Variants in ASL observed in about 807,000 individuals in gnomAD.
The protein encoded by ASL is argininosuccinate lyase.
In ASL, 51 loss-of-function variants were observed where a neutral mutation model predicts 69.1. That is an observed-to-expected ratio of 0.74 (90% CI 0.59 to 0.93). The LOEUF is 0.93. ASL is among the 40% of genes least tolerant of loss of function. The probability of loss-of-function intolerance (pLI) is 0.00; values close to 1 mark genes in which losing one functional copy is unlikely to be tolerated. For missense variants in ASL, 540 were observed against 623.9 expected (o/e 0.87, Z 1.43); for synonymous variants, 241 against 247.6 (o/e 0.97, Z 0.25).
Position 66,089,571 on chromosome 7 carries a change from G to C in ASL, c.979-41G>C, listed in dbSNP as rs370109609. The C allele has an allele frequency of 3.7e-6, 6 of 1,607,190 alleles. No individual in the cohort carries two copies. In the East Asian group the frequency reaches 1.1e-4, roughly 30 times the overall value. On this transcript the variant is annotated intron_variant, in intron 13 of 16. Transcript: ENST00000304874. ...GGGGCTGTGGGGACCCTGGGTGCCA[G>C]GGGGCTGCTAGGCCCTCACCTCCTG...
rs2115731431 is a variant in ASL at position 66,087,507 on chromosome 7, C to T, written c.655+121C>T. The T allele has an allele frequency of 8.5e-6, 11 of 1,292,456 alleles. No homozygotes were observed. In the East Asian group the frequency reaches 2.5e-4, roughly 29 times the overall value. The allele number at this position is 1,292,456 out of a possible 1,614,324, so 80.1% of individuals were successfully genotyped here. On this transcript the variant is annotated intron_variant, in intron 9 of 16. Transcript: ENST00000304874. ...CTCCTGGTGAAACCTTCATTCATTGCCTATGGGCACTGAGGTCATCAAGTT... is the reference window on the plus strand; with the variant it reads ...CTCCTGGTGAAACCTTCATTCATTGTCTATGGGCACTGAGGTCATCAAGTT...
chr7:66,092,067 ATT>A lies in ASL; in HGVS notation c.1125_1126del (p.Tyr375Ter). 6.2e-7 allele frequency: 1 copy of A among 1,612,818 alleles called. No individual in the cohort carries two copies. Among genetic ancestry groups the A allele is most frequent in the Non-Finnish European group, 8.5e-7 (1 of 1,179,978 alleles). On this transcript the variant is annotated stop_gained and frameshift_variant, in exon 15 of 17. Transcript: ENST00000304874. LOFTEE classifies it high-confidence loss of function. ...GACATGCTGGCCACTGACCTTGCCTATTACCTGGTCCGCAAAGGGGTAAGTGT... is the reference window on the plus strand; with the variant it reads ...GACATGCTGGCCACTGACCTTGCCTAACCTGGTCCGCAAAGGGGTAAGTGT...
chr7:66,087,246 G>A (rs1316557092), intron 8 of ASL, 88 bp from the exon 9 acceptor site: 44 of 207,124 alleles, frequency 2.1e-4, no homozygotes, highest in Admixed American at 3.8e-4. Context: ...GTGCGTTCGT[G>A]TGTGTGTGTG....
In ASL at chr7:66,088,726, G is replaced by A. The variant is rs993262585; in HGVS notation, c.719-81G>A. On this transcript the variant is annotated intron_variant, in intron 10 of 16. Transcript: ENST00000304874. ...GAAAATTTAGCCGGGTCCCCCCACCGCCTAACCTCCTCCTGCCCCCTGTAT... is the reference window on the plus strand; with the variant it reads ...GAAAATTTAGCCGGGTCCCCCCACCACCTAACCTCCTCCTGCCCCCTGTAT... 5.6e-6 allele frequency: 7 copies of A among 1,247,972 alleles called. No homozygotes were observed. The Admixed American group carries it at 5.7e-5, about 10-fold the overall frequency. The allele number at this position is 1,247,972 out of a possible 1,614,324, so 77.3% of individuals were successfully genotyped here. A position where few individuals can be genotyped will look rare whatever the true frequency, so the allele number is the denominator to read the frequency against.
Position 66,092,972 on chromosome 7 carries a change from T to C in ASL, c.*60T>C. 1 of 1,549,092 alleles carries C rather than the reference T, an allele frequency of 6.5e-7. No homozygotes were observed. The highest frequency in any genetic ancestry group is 8.7e-7 in the Non-Finnish European group (1 of 1,154,918). On this transcript the variant is annotated 3_prime_UTR_variant, in exon 17 of 17. Coordinates refer to ENST00000304874, the MANE Select transcript of ASL (RefSeq NM_000048.4). The stretch of plus-strand genomic sequence containing the variant: ...CGAGAGGAGGCTGCTGTGTGTTTCC[T>C]GCCCCAGCCTGGCTCCCTCGTTGCT...
At chr7:66,085,215 G>A (rs572661188) in intron 6 of ASL, among the ~76,000 whole-genome samples, 8 of 151,706 alleles carry the variant, frequency 5.3e-5, no homozygotes, top group African/African-American at 9.7e-5. Flanking sequence ...TGTGGCTCAC[G>A]CCTGTAATCC....
In ASL at chr7:66,090,665, A is replaced by G. The variant is rs371425050; in HGVS notation, c.1062+970A>G. ...CCCTATGTACCGACACCCAGCTTCA[A>G]TGATAATCAACTCACGGACATCCTG... On this transcript the variant is annotated intron_variant, in intron 14 of 16. Coordinates refer to ENST00000304874, the MANE Select transcript of ASL (RefSeq NM_000048.4). Among the ~76,000 whole-genome samples the G allele has an allele frequency of 7.9e-5, 12 of 152,244 alleles. 1 individual carries two copies. In the South Asian group the frequency reaches 1.9e-3, roughly 24 times the overall value.
rs780716073 is a variant in ASL, at chr7:66,087,806, G to A, written c.718+15G>A. 3 of 1,614,124 alleles carry A rather than the reference G, an allele frequency of 1.9e-6. No individual in the cohort carries two copies. The highest frequency in any genetic ancestry group is 2.2e-5 in the South Asian group (2 of 91,084). ...GGACTTTGTGGGTGAGTCCTGGGGAGCCAGTCCCCTGCCCTGTGCCTCACT... is the reference window on the plus strand; with the variant it reads ...GGACTTTGTGGGTGAGTCCTGGGGAACCAGTCCCCTGCCCTGTGCCTCACT... On this transcript the variant is annotated intron_variant, in intron 10 of 16. Coordinates refer to ENST00000304874, the MANE Select transcript of ASL (RefSeq NM_000048.4).
chr7:66,086,976 C>A, intron 8 of ASL, 155 bp downstream of exon 8: 1 of 950,898 alleles, frequency 1.1e-6, no homozygotes, highest in Non-Finnish European at 1.6e-6. Context: ...GCTAAGGTGA[C>A]GACCAAGCCA....
chr7:66,079,222 G>A (rs374593425), intron 2 of ASL, among the ~76,000 whole-genome samples: 1 of 151,940 alleles, frequency 6.6e-6, no homozygotes, highest in Admixed American at 6.6e-5. Context: ...CAGCCCCTGA[G>A]GTTTAATAAT....
chr7:66,090,535 AG>A (rs1476734829), intron 14 of ASL, among the ~76,000 whole-genome samples: 2 of 152,126 alleles, frequency 1.3e-5, no homozygotes, highest in African/African-American at 4.8e-5. Flanking sequence ...TGGTCTCCCA[AG>A]GTGCTGGGAT....
At chr7:66,091,023 G>A (rs144127666) in intron 14 of ASL, among the ~76,000 whole-genome samples, 1,995 of 149,730 alleles carry the variant, frequency 0.013, 57 homozygotes, top group African/African-American at 0.046. Flanking sequence ...GCTTGAACCC[G>A]GGAGATGGAG....
chr7:66,078,456 G>A (rs544133857), intron 2 of ASL, among the ~76,000 whole-genome samples: 76 of 152,212 alleles, frequency 5.0e-4, no homozygotes, highest in African/African-American at 1.7e-3. Context: ...CAGGAACCAG[G>A]AGTGGAGCTG....
intron 6 of ASL, among the ~76,000 whole-genome samples, chr7:66,085,610 C>CGTTT (rs1562739663): frequency 6.9e-6 from 1 of 144,128 alleles, no homozygotes; most frequent in African/African-American, 2.5e-5. Flanking sequence ...AAGACCCCAT[C>CGTTT]TTTTTTTTTT....
chr7:66,081,708 A>C lies in ASL; in HGVS notation c.13-95A>C, dbSNP rs529417509. ...GTTAGAATGATCTGATGCCCCTGCT[A>C]CCATCAGACTTGATAAGTTTCCCAA... On this transcript the variant is annotated intron_variant, in intron 2 of 16. Coordinates refer to ENST00000304874, the MANE Select transcript of ASL (RefSeq NM_000048.4). 5.0e-6 allele frequency: 7 copies of C among 1,406,532 alleles called. No individual in the cohort carries two copies. The South Asian group carries it at 9.8e-5, about 20-fold the overall frequency. The allele number at this position is 1,406,532 out of a possible 1,614,324, so 87.1% of individuals were successfully genotyped here. A position where few individuals can be genotyped will look rare whatever the true frequency, so the allele number is the denominator to read the frequency against.
rs1464138269 is a variant in ASL at position 66,081,995 on chromosome 7, A to G, written c.205A>G (p.Lys69Glu). Reference sequence around the variant, plus strand: ...GGACCAGATACTCCATGGCCTAGACAAGGTACTTGCCGTGGCCCAAGCCCC... The same window carrying G: ...GGACCAGATACTCCATGGCCTAGACGAGGTACTTGCCGTGGCCCAAGCCCC... The part of the protein sequence containing the change: ...EMDQILHGLD[K>E]VAEEWAQGTF... Residue 69 changes from lysine to glutamate, a missense_variant and splice_region_variant, in exon 3 of 17, where the codon AAG becomes GAG. By Grantham distance (56) the Lys-to-Glu change is moderately conservative. Coordinates refer to ENST00000304874, the MANE Select transcript of ASL (RefSeq NM_000048.4). 1.2e-6 allele frequency: 2 copies of G among 1,604,670 alleles called. No individual in the cohort carries two copies. Among genetic ancestry groups the G allele is most frequent in the East Asian group, 2.2e-5 (1 of 44,592 alleles).
chr7:66,087,230 CTGTG>C, intron 8 of ASL, 100 bp from the exon 9 acceptor site: 5 of 1,384,086 alleles, frequency 3.6e-6, no homozygotes, highest in African/African-American at 1.4e-5. Context: ...ACTTGGTTCT[CTGTG>C]TGTGCGTTCG....
rs772296899 is a variant in ASL at position 66,092,134 on chromosome 7, C to A, written c.1143+48C>A. On this transcript the variant is annotated intron_variant, in intron 15 of 16. Coordinates refer to ENST00000304874, the MANE Select transcript of ASL (RefSeq NM_000048.4). ...GAGGGTGAGGAGATGGGGTGCCCCC[C>A]CCAGAGGGTGGGGGAGCTCAGGAAT... 36 of 1,594,752 alleles carry A rather than the reference C, an allele frequency of 2.3e-5. No homozygotes were observed. The Admixed American group carries it at 3.2e-4, about 14-fold the overall frequency.
At chr7:66,077,165 A>G (rs1193590231) in intron 2 of ASL, among the ~76,000 whole-genome samples, 2 of 152,254 alleles carry the variant, frequency 1.3e-5, no homozygotes, top group Non-Finnish European at 1.5e-5. Flanking sequence ...GCTAACCACA[A>G]CAATACTGAT....
Sources: gnomAD v4.1 joint callset for allele counts (sites outside exome capture counted in the v4.1 genomes callset) on GRCh38, gnomAD v4.1.1 for gene constraint, MANE v1.5 for transcripts, NCBI Gene and HGNC (gene_info 2026-07-23, HGNC 2026-07-21) for gene names.